Variants in CDKL4 observed in about 807,000 individuals in gnomAD.
CDKL4 encodes the protein cyclin-dependent kinase-like 4.
A neutral mutation model predicts 42.0 loss-of-function variants in CDKL4; 44 were observed. The ratio of observed to expected loss-of-function variants is 1.05; its 90% CI spans 0.82 to 1.35. The LOEUF (loss-of-function observed/expected upper bound fraction) is 1.35, where lower values mean the gene tolerates loss of function less well. CDKL4 is among the 40% of genes most tolerant of loss of function. The pLI, the probability that CDKL4 is intolerant of heterozygous loss-of-function variation, is 0.00. For missense variants in CDKL4, 393 were observed against 369.9 expected, an observed-to-expected ratio of 1.06 and a Z score of -0.51; for synonymous variants, 120 against 121.6, an observed-to-expected ratio of 0.99 and a Z score of 0.09.
At chr2:39,207,706 C>T (rs904284881) in intron 4 of CDKL4, among the ~76,000 whole-genome samples, 3 of 152,120 alleles carry the variant, frequency 2.0e-5, no homozygotes, top group Non-Finnish European at 4.4e-5. Context: ...GAAGTATTGA[C>T]ATATTCCAAA....
chr2:39,196,551 A>G (rs1475140287), intron 5 of CDKL4, among the ~76,000 whole-genome samples: 1 of 152,200 alleles, frequency 6.6e-6, no homozygotes, highest in African/African-American at 2.4e-5. Context: ...TCCCTCTGAC[A>G]TAGTCTACCC....
chr2:39,183,254 C>T (rs1446710450), intron 8 of CDKL4, among the ~76,000 whole-genome samples: 1 of 115,574 alleles, frequency 8.7e-6, no homozygotes, highest in African/African-American at 3.6e-5. Flanking sequence ...GGCGACAGAG[C>T]AAGACTCTGT....
intron 5 of CDKL4, among the ~76,000 whole-genome samples, chr2:39,195,622 T>G (rs1348155686): frequency 6.6e-6 from 1 of 151,680 alleles, no homozygotes; most frequent in Non-Finnish European, 1.5e-5. Flanking sequence ...TTACTTTTTA[T>G]TTTTTACATT....
intron 3 of CDKL4, among the ~76,000 whole-genome samples, chr2:39,224,012 C>T (rs1240299897): frequency 6.6e-6 from 1 of 152,096 alleles, no homozygotes; most frequent in Non-Finnish European, 1.5e-5. Flanking sequence ...GGTGCACAGT[C>T]TACATTTATG....
At chr2:39,237,073 C>G (rs1388997554) in intron 1 of CDKL4, among the ~76,000 whole-genome samples, 2 of 152,110 alleles carry the variant, frequency 1.3e-5, no homozygotes, top group East Asian at 3.8e-4. Context: ...AAGTCAAAGT[C>G]AGACAAAGAA....
At chr2:39,241,879 C>A (rs1423267710) in intron 1 of CDKL4, among the ~76,000 whole-genome samples, 1 of 152,124 alleles carries the variant, frequency 6.6e-6, no homozygotes, top group Non-Finnish European at 1.5e-5. Flanking sequence ...ATTTTTCTAA[C>A]CTTTCTATTA....
At chr2:39,239,240 C>A (rs1311967657) in intron 1 of CDKL4, among the ~76,000 whole-genome samples, 1 of 151,100 alleles carries the variant, frequency 6.6e-6, no homozygotes, top group Non-Finnish European at 1.5e-5. Context: ...AGCATTAAAA[C>A]TGTATAACTT....
chr2:39,239,526 C>T (rs1046284787), intron 1 of CDKL4, among the ~76,000 whole-genome samples: 1 of 152,136 alleles, frequency 6.6e-6, no homozygotes, highest in African/African-American at 2.4e-5. Context: ...GGTTAAACAA[C>T]CCAATTTAAA....
intron 8 of CDKL4, among the ~76,000 whole-genome samples, chr2:39,183,403 G>A (rs1212118040): frequency 6.6e-6 from 1 of 152,180 alleles, no homozygotes; most frequent in African/African-American, 2.4e-5. Flanking sequence ...TGGGTCTTAG[G>A]TTGATACTTA....
chr2:39,211,105 A>AT (rs1421423903), intron 4 of CDKL4, among the ~76,000 whole-genome samples: 2 of 152,158 alleles, frequency 1.3e-5, no homozygotes, highest in Non-Finnish European at 2.9e-5. Flanking sequence ...GGCTAGATAT[A>AT]TTTTTTTAAA....
At chr2:39,226,104 C>T (rs1678699080) in intron 2 of CDKL4, 144 bp from the exon 3 acceptor site, 1 of 676,154 alleles carries the variant, frequency 1.5e-6, no homozygotes, top group African/African-American at 1.9e-5. Flanking sequence ...TTGCTTGAAT[C>T]TCTCTGGTGA....
At chr2:39,213,219 A>G (rs894647887) in intron 4 of CDKL4, among the ~76,000 whole-genome samples, 181 bp downstream of exon 4, 1 of 152,032 alleles carries the variant, frequency 6.6e-6, no homozygotes, top group Non-Finnish European at 1.5e-5. Flanking sequence ...TCTGGGGCTC[A>G]TGTGATCCTC....
At chr2:39,225,639 T>C (rs1678662095) in intron 3 of CDKL4, among the ~76,000 whole-genome samples, 200 bp downstream of exon 3, 1 of 152,198 alleles carries the variant, frequency 6.6e-6, no homozygotes, top group East Asian at 1.9e-4. Context: ...ATATCTGTGG[T>C]AGGTTTTTCT....
At chr2:39,215,241 T>C (rs1015267363) in intron 3 of CDKL4, among the ~76,000 whole-genome samples, 1 of 152,234 alleles carries the variant, frequency 6.6e-6, no homozygotes, top group Non-Finnish European at 1.5e-5. Context: ...TACTAATGTT[T>C]AGTGATTATT....
Position 39,220,997 on chromosome 2 carries a change from T to G in CDKL4, c.290+4842A>C, listed in dbSNP as rs1573007138. Among the ~76,000 whole-genome samples the G allele has an allele frequency of 4.5e-4, 25 of 55,464 alleles. 2 individuals carry two copies. The South Asian group carries it at 4.9e-3, about 11-fold the overall frequency. 36.4% of individuals were successfully genotyped at this position (55,464 alleles called of 152,430 possible). On this transcript the variant is annotated intron_variant, in intron 3 of 9. Coordinates refer to ENST00000451199, the Ensembl canonical transcript of CDKL4. ...CGATCTTTTTTTTTTTTTTTTTTTT[T>G]TTTGTTTTTTTTTTTGTTTTGTTTT... is the stretch of plus-strand genomic sequence containing the variant.
intron 3 of CDKL4, among the ~76,000 whole-genome samples, chr2:39,220,577 G>A (rs1473512372): frequency 6.6e-6 from 1 of 151,784 alleles, no homozygotes; most frequent in East Asian, 1.9e-4. Context: ...CAACTTATTC[G>A]AGATTCTGGT....
At chr2:39,244,020 G>A (rs1679799076), upstream of CDKL4, among the ~76,000 whole-genome samples, 1 of 152,242 alleles carries the variant, frequency 6.6e-6, no homozygotes, top group Admixed American at 6.5e-5. Flanking sequence ...CAACCGGAAC[G>A]CTAGGGCGCG....
chr2:39,212,455 G>T (rs1257606986), intron 4 of CDKL4, among the ~76,000 whole-genome samples: 1 of 151,696 alleles, frequency 6.6e-6, no homozygotes, highest in East Asian at 1.9e-4. Context: ...GGATGGTCTC[G>T]ATCTCCTGAC....
chr2:39,185,207 C>T (rs7588263), intron 7 of CDKL4, among the ~76,000 whole-genome samples: 8,182 of 13,388 alleles, frequency 0.61, 3,192 homozygotes, highest in Non-Finnish European at 0.75. Context: ...TATACACATA[C>T]GTATATATAC....
Sources: gnomAD v4.1 joint callset for allele counts (sites outside exome capture counted in the v4.1 genomes callset) on GRCh38, gnomAD v4.1.1 for gene constraint, MANE v1.5 for transcripts, NCBI Gene and HGNC (gene_info 2026-07-23, HGNC 2026-07-21) for gene names.